MRPL19: variants seen among roughly 807,000 people sequenced by gnomAD.
MRPL19 encodes the protein large ribosomal subunit protein bL19m.
Under a neutral mutation model 34.0 loss-of-function variants are expected in MRPL19, and 31 were observed. The observed-to-expected ratio is 0.91, with a 90% CI of 0.68 to 1.23. The LOEUF (loss-of-function observed/expected upper bound fraction) is 1.23. Ranked by LOEUF, MRPL19 falls within the 50% of genes most tolerant of loss-of-function variation. The pLI, the probability that MRPL19 is intolerant of heterozygous loss-of-function variation, is 0.00. For synonymous variants in MRPL19, 152 were observed against 127.7 expected, an observed-to-expected ratio of 1.19 and a Z score of -1.28; for missense variants, 384 against 367.6, an observed-to-expected ratio of 1.04 and a Z score of -0.37.
intron 2 of MRPL19, among the ~76,000 whole-genome samples, chr2:75,650,283 GAAA>G (rs3836196): frequency 6.6e-6 from 1 of 151,664 alleles, no homozygotes; most frequent in South Asian, 2.1e-4. Flanking sequence ...AGTTAAAGAA[GAAA>G]AAAAGAAGAT....
At chr2:75,647,307 G>A (rs1255214008) in intron 2 of MRPL19, 88 bp downstream of exon 2, 2 of 1,218,170 alleles carry the variant, frequency 1.6e-6, no homozygotes, top group South Asian at 2.9e-5. Context: ...TCTAAGGTGG[G>A]GGCTGCACCT....
intron 4 of MRPL19, among the ~76,000 whole-genome samples, chr2:75,653,937 T>C (rs1370261511): frequency 6.6e-6 from 1 of 152,202 alleles, no homozygotes; most frequent in Non-Finnish European, 1.5e-5. Flanking sequence ...TTGCCTGTTC[T>C]TCCCTCTACA....
At position 75,656,647 on chromosome 2, in the gene MRPL19, T is replaced by C. The variant is rs1573029918; in HGVS notation, c.*1362T>C. On this transcript the variant is annotated 3_prime_UTR_variant, in exon 6 of 6. Transcript: ENST00000393909. ...GACTTTAAAAATATTGTTGCTCCAT[T>C]TTCTTTGTTTCTATTGTTGTATTGA... is the stretch of plus-strand genomic sequence containing the variant. The C allele has an allele frequency of 6.6e-6, 1 of 152,240 alleles. No homozygotes were observed. Among genetic ancestry groups the C allele is most frequent in the East Asian group, 1.9e-4 (1 of 5,186 alleles). 9.4% of individuals were successfully genotyped at this position (152,240 alleles called of 1,614,324 possible).
chr2:75,661,096 A>G lies in MRPL19; in HGVS notation c.*5811A>G, dbSNP rs1205273955. The G allele has an allele frequency of 6.6e-6, 1 of 152,188 alleles. No homozygotes were observed. Among genetic ancestry groups the G allele is most frequent in the Non-Finnish European group, 1.5e-5 (1 of 68,046 alleles). 9.4% of individuals were successfully genotyped at this position (152,188 alleles called of 1,614,324 possible). A position where few individuals can be genotyped will look rare whatever the true frequency, so the allele number is the denominator to read the frequency against. On this transcript the variant is annotated 3_prime_UTR_variant, in exon 6 of 6. Coordinates refer to ENST00000393909, the MANE Select transcript of MRPL19 (RefSeq NM_014763.4). ...AAACAAGAATTTGTAAGTTCTGCTC[A>G]GCTTCCTCTAGAAATGGGGATCAGG...
chr2:75,646,923 G>A lies in MRPL19; in HGVS notation c.103+13G>A, dbSNP rs765448560. ...TCTATCGCCTGCAGTAAGTGGAGCC[G>A]GACTTGCGAGCTGGGGCGCGTTAGG... On this transcript the variant is annotated intron_variant, in intron 1 of 5. Coordinates refer to ENST00000393909, the MANE Select transcript of MRPL19 (RefSeq NM_014763.4). The A allele has an allele frequency of 2.7e-5, 42 of 1,563,588 alleles. No homozygotes were observed. The highest frequency in any genetic ancestry group is 1.4e-5 in the African/African-American group (1 of 73,702).
intron 2 of MRPL19, among the ~76,000 whole-genome samples, chr2:75,649,969 A>G (rs1229823448): frequency 1.3e-5 from 2 of 152,232 alleles, no homozygotes; most frequent in Non-Finnish European, 2.9e-5. Flanking sequence ...TGATATGTGT[A>G]TATAAAGCAA....
rs1204065867 is a variant in MRPL19 at position 75,650,610 on chromosome 2, G to A, written c.222-1532G>A. Among the ~76,000 whole-genome samples, 3 of 152,188 alleles carry A rather than the reference G, an allele frequency of 2.0e-5. No homozygotes were observed. In the East Asian group the frequency reaches 5.8e-4, roughly 29 times the overall value. ...AAAGGAAGGACTTACCTCCTACAGA[G>A]GCACAAACAAGGCAGACTAGGACCC... is the stretch of plus-strand genomic sequence containing the variant. On this transcript the variant is annotated intron_variant, in intron 2 of 5. Coordinates refer to ENST00000393909, the MANE Select transcript of MRPL19 (RefSeq NM_014763.4).
At chr2:75,651,198 G>C (rs1016539529) in intron 2 of MRPL19, 1 of 383,936 alleles carries the variant, frequency 2.6e-6, no homozygotes, top group Non-Finnish European at 5.1e-6. Context: ...TTTCTCTTCA[G>C]TTCGATCTGT....
chr2:75,659,308 CTTATG>C lies in MRPL19; in HGVS notation c.*4028_*4032del, dbSNP rs749832593. 1.3e-4 allele frequency among the ~76,000 whole-genome samples: 20 copies of C among 152,100 alleles called. No homozygotes were observed. The highest frequency in any genetic ancestry group is 2.4e-4 in the Non-Finnish European group (16 of 67,984). ...CCTGTAAAGCTCTGCCCCTGCCCCC[CTTATG>C]TTATTGATGGCACAAATTGCCTAAT... On this transcript the variant is annotated 3_prime_UTR_variant, in exon 6 of 6. Transcript: ENST00000393909.
chr2:75,648,375 C>A (rs1678263980), intron 2 of MRPL19, among the ~76,000 whole-genome samples: 1 of 151,890 alleles, frequency 6.6e-6, no homozygotes, highest in Non-Finnish European at 1.5e-5. Context: ...TTTTTTGTAA[C>A]AAAATTTAGA....
rs759610611 is a variant in MRPL19 at position 75,655,224 on chromosome 2, A to G, written c.818A>G (p.Tyr273Cys). Residue 273 changes from tyrosine (Y) to cysteine (C), a missense_variant, in exon 6 of 6, where the codon TAT becomes TGT. Physicochemically the swap from Tyr to Cys is radical, Grantham distance 194. Transcript: ENST00000393909. ...CTTGAATTTGATATGATGAGGGAAT[A>G]TGATACTTCAAAAATTGAAGCTGCA... The part of the protein sequence containing the change: ...PWLEFDMMRE[Y>C]DTSKIEAAIW... The G allele has an allele frequency of 6.2e-7, 1 of 1,613,594 alleles. No individual in the cohort carries two copies. The highest frequency in any genetic ancestry group is 8.5e-7 in the Non-Finnish European group (1 of 1,179,770).
intron 2 of MRPL19, chr2:75,651,368 A>T (rs865851575): frequency 3.7e-6 from 2 of 533,564 alleles, no homozygotes; most frequent in Middle Eastern, 3.4e-4. Flanking sequence ...CCAGTGAATG[A>T]CACCGCATAT....
At position 75,650,286 on chromosome 2, in the gene MRPL19, A is replaced by G. The variant is rs1318234338; in HGVS notation, c.222-1856A>G. 3.9e-5 allele frequency among the ~76,000 whole-genome samples: 6 copies of G among 152,162 alleles called. No homozygotes were observed. The East Asian group carries it at 1.2e-3, about 29-fold the overall frequency. ...GAGCTTAAAATCAGTTAAAGAAGAAAAAAAGAAGATTATTATTTTTTAAGC... is the reference window on the plus strand; with the variant it reads ...GAGCTTAAAATCAGTTAAAGAAGAAGAAAAGAAGATTATTATTTTTTAAGC... On this transcript the variant is annotated intron_variant, in intron 2 of 5. Coordinates refer to ENST00000393909, the MANE Select transcript of MRPL19 (RefSeq NM_014763.4).
chr2:75,652,117 A>T, intron 2 of MRPL19, 25 bp from the exon 3 acceptor site: 1 of 1,386,168 alleles, frequency 7.2e-7, no homozygotes, highest in Non-Finnish European at 9.9e-7. Context: ...GTTTACTTTT[A>T]ATTATTTATT....
At position 75,658,943 on chromosome 2, in the gene MRPL19, G is replaced by A. The variant is rs1286461248; in HGVS notation, c.*3658G>A. ...CTTGTAGACAGCATATCACTATCTT[G>A]TTTTGTTTTGTTTTTTCTGTCCATT... On this transcript the variant is annotated 3_prime_UTR_variant, in exon 6 of 6. Transcript: ENST00000393909. Among the ~76,000 whole-genome samples the A allele has an allele frequency of 1.3e-5, 2 of 151,612 alleles. No individual in the cohort carries two copies. The highest frequency in any genetic ancestry group is 6.6e-5 in the Admixed American group (1 of 15,210).
rs546170284 is a variant in MRPL19 at position 75,650,661 on chromosome 2, T to G, written c.222-1481T>G. 9.3e-4 allele frequency among the ~76,000 whole-genome samples: 142 copies of G among 152,216 alleles called. 2 individuals carry two copies. The highest frequency in any genetic ancestry group is 1.7e-3 in the Non-Finnish European group (117 of 68,010). On this transcript the variant is annotated intron_variant, in intron 2 of 5. Transcript: ENST00000393909. ...AGCAGTTGCCTAAGGCCCAAGGGTC[T>G]CCAGTTAGGAGAATGTGAAATGCAG...
intron 2 of MRPL19, chr2:75,647,515 T>A (rs751947809): frequency 3.0e-5 from 9 of 301,308 alleles, no homozygotes; most frequent in Non-Finnish European, 4.9e-5. Flanking sequence ...AGGTATATCC[T>A]GTTTATACCT....
chr2:75,646,857 G>A lies in MRPL19; in HGVS notation c.50G>A (p.Arg17Gln), dbSNP rs1262575172. The A allele has an allele frequency of 1.5e-5, 24 of 1,597,164 alleles. No homozygotes were observed. Among genetic ancestry groups the A allele is most frequent in the African/African-American group, 2.7e-5 (2 of 74,706 alleles). The change falls in exon 1 of 6, where the codon CGG becomes CAG. Residue 17 changes from arginine (R) to glutamine (Q), a missense_variant. Arg to Gln is a conservative substitution (Grantham distance 43). Coordinates refer to ENST00000393909, the MANE Select transcript of MRPL19 (RefSeq NM_014763.4). ...AGHWAAMGLG[R>Q]SFQAARTLLP... The stretch of plus-strand genomic sequence containing the variant: ...CACTGGGCTGCAATGGGCCTAGGCC[G>A]GAGTTTCCAAGCCGCCAGGACTCTG...
intron 2 of MRPL19, among the ~76,000 whole-genome samples, chr2:75,650,138 C>A (rs992720684): frequency 2.0e-5 from 3 of 151,962 alleles, no homozygotes; most frequent in African/African-American, 7.3e-5. Flanking sequence ...TAGTAATGAA[C>A]TATCCTAAAT....
Sources: allele counts gnomAD v4.1 joint callset (sites outside exome capture counted in the v4.1 genomes callset), GRCh38; gene constraint gnomAD v4.1.1; transcripts MANE v1.5; gene names NCBI Gene and HGNC (gene_info 2026-07-23, HGNC 2026-07-21).